The following HS3ST3A1 variants were observed in gnomAD, a reference collection of about 807,000 sequenced individuals.
The protein encoded by HS3ST3A1 is heparan sulfate-glucosamine 3-sulfotransferase 3A1.
In HS3ST3A1, 19 loss-of-function variants were observed where a neutral mutation model predicts 25.7. The ratio of observed to expected loss-of-function variants is 0.74; its 90% CI spans 0.52 to 1.08. HS3ST3A1 has a LOEUF of 1.08. HS3ST3A1 is among the 50% of genes least tolerant of loss of function. The pLI is 0.00. For synonymous variants in HS3ST3A1, 226 were observed against 278.6 expected (o/e 0.81, Z 1.88); for missense variants, 459 against 594.3 (o/e 0.77, Z 2.37).
At chr17:13,500,353 A>C (rs1444046790) in intron 1 of HS3ST3A1, among the ~76,000 whole-genome samples, 10 of 152,206 alleles carry the variant, frequency 6.6e-5, no homozygotes, top group Non-Finnish European at 2.9e-5. Flanking sequence ...AAAACCTACA[A>C]TTACTTTTGC....
At chr17:13,519,212 A>G (rs1384807774) in intron 1 of HS3ST3A1, among the ~76,000 whole-genome samples, 6 of 152,224 alleles carry the variant, frequency 3.9e-5, no homozygotes, top group South Asian at 2.1e-4. Context: ...CCAAAAATAG[A>G]TAAGAAAATA....
chr17:13,575,037 G>GTCTC (rs10622404), intron 1 of HS3ST3A1, among the ~76,000 whole-genome samples: 1 of 151,828 alleles, frequency 6.6e-6, no homozygotes, highest in African/African-American at 2.4e-5. Flanking sequence ...TTTTTTCTCA[G>GTCTC]TCTCTCTGTT....
intron 1 of HS3ST3A1, among the ~76,000 whole-genome samples, chr17:13,522,597 A>G (rs964844854): frequency 6.6e-6 from 1 of 152,164 alleles, no homozygotes; most frequent in Admixed American, 6.6e-5. Context: ...GGCTTATTAT[A>G]TATTTCAGGA....
chr17:13,503,313 T>G (rs939867980), intron 1 of HS3ST3A1, among the ~76,000 whole-genome samples: 1 of 152,158 alleles, frequency 6.6e-6, no homozygotes, highest in South Asian at 2.1e-4. Context: ...CAAAATACAG[T>G]ATCCACAAAA....
chr17:13,590,567 T>TA (rs962454450), intron 1 of HS3ST3A1, among the ~76,000 whole-genome samples: 1 of 152,184 alleles, frequency 6.6e-6, no homozygotes, highest in East Asian at 1.9e-4. Flanking sequence ...AGATACCTTC[T>TA]ACCTCCAACA....
At chr17:13,556,451 T>G (rs559128066) in intron 1 of HS3ST3A1, among the ~76,000 whole-genome samples, 1 of 149,348 alleles carries the variant, frequency 6.7e-6, no homozygotes, top group East Asian at 2.0e-4. Context: ...GAGCTTGCAG[T>G]GAGCCGAGAC....
intron 1 of HS3ST3A1, among the ~76,000 whole-genome samples, chr17:13,525,434 A>C (rs770548308): frequency 1.9e-4 from 29 of 151,636 alleles, no homozygotes; most frequent in Non-Finnish European, 3.4e-4. Context: ...TGTTTTTGTC[A>C]TCTAGATAAT....
intron 1 of HS3ST3A1, among the ~76,000 whole-genome samples, chr17:13,499,167 A>T (rs1036865778): frequency 6.6e-6 from 1 of 152,186 alleles, no homozygotes; most frequent in African/African-American, 2.4e-5. Flanking sequence ...GTTGACACAA[A>T]GGAGACACAC....
intron 1 of HS3ST3A1, among the ~76,000 whole-genome samples, chr17:13,512,321 A>AAAAC (rs1555537367): frequency 2.1e-5 from 3 of 144,676 alleles, no homozygotes; most frequent in Admixed American, 2.1e-4. Context: ...AAAAAAAAAA[A>AAAAC]AAAAAACTGC....
intron 1 of HS3ST3A1, among the ~76,000 whole-genome samples, chr17:13,532,789 G>C (rs1906642288): frequency 6.6e-6 from 1 of 151,658 alleles, no homozygotes; most frequent in African/African-American, 2.4e-5. Context: ...AGGTTCTGGT[G>C]TTTTTTATCA....
At chr17:13,596,418 T>TACACAC (rs10535139) in intron 1 of HS3ST3A1, among the ~76,000 whole-genome samples, 4,936 of 146,380 alleles carry the variant, frequency 0.034, 88 homozygotes, top group South Asian at 0.064. Context: ...TGCGCGTGCG[T>TACACAC]ACACACACAC....
chr17:13,590,898 G>T (rs1219803347), intron 1 of HS3ST3A1, among the ~76,000 whole-genome samples: 1 of 147,620 alleles, frequency 6.8e-6, no homozygotes, highest in African/African-American at 2.5e-5. Context: ...TTCCGGGAGA[G>T]CACTGGATTG....
chr17:13,597,667 T>A (rs1402988916), intron 1 of HS3ST3A1, among the ~76,000 whole-genome samples: 1 of 152,216 alleles, frequency 6.6e-6, no homozygotes, highest in Non-Finnish European at 1.5e-5. Context: ...GACATTTAAA[T>A]TAGTGAGAAT....
At chr17:13,561,651 C>T (rs1434746871) in intron 1 of HS3ST3A1, among the ~76,000 whole-genome samples, 1 of 152,124 alleles carries the variant, frequency 6.6e-6, no homozygotes, top group Non-Finnish European at 1.5e-5. Flanking sequence ...CTTGGCCTCC[C>T]AAAGTGCTGG....
chr17:13,528,404 C>G (rs754393634), intron 1 of HS3ST3A1, among the ~76,000 whole-genome samples: 1 of 152,234 alleles, frequency 6.6e-6, no homozygotes, highest in African/African-American at 2.4e-5. Flanking sequence ...CTCCATCTCA[C>G]TCTCGAGCTC....
intron 1 of HS3ST3A1, among the ~76,000 whole-genome samples, chr17:13,558,444 C>A (rs73296143): frequency 0.024 from 3,705 of 151,846 alleles, 173 homozygotes; most frequent in African/African-American, 0.085. Flanking sequence ...ATCAATTATA[C>A]AATTTAAAAA....
chr17:13,544,612 G>C (rs1446359178), intron 1 of HS3ST3A1, among the ~76,000 whole-genome samples: 1 of 152,138 alleles, frequency 6.6e-6, no homozygotes, highest in African/African-American at 2.4e-5. Context: ...AGGAGGCTCT[G>C]ACTCAGGTGA....
intron 1 of HS3ST3A1, among the ~76,000 whole-genome samples, chr17:13,571,465 G>C (rs908029929): frequency 1.3e-5 from 2 of 152,140 alleles, no homozygotes; most frequent in Non-Finnish European, 1.5e-5. Context: ...CGCTTTCTGA[G>C]GGCAACCTAG....
intron 1 of HS3ST3A1, among the ~76,000 whole-genome samples, chr17:13,528,808 G>A (rs1005461270): frequency 6.6e-6 from 1 of 151,946 alleles, no homozygotes; most frequent in Non-Finnish European, 1.5e-5. Flanking sequence ...AGTTGAATGA[G>A]TAGGAAAGAA....
Sources: gnomAD v4.1 joint callset for allele counts (sites outside exome capture counted in the v4.1 genomes callset) on GRCh38, gnomAD v4.1.1 for gene constraint, MANE v1.5 for transcripts, NCBI Gene and HGNC (gene_info 2026-07-23, HGNC 2026-07-21) for gene names.